KHDRBS2: variants seen among roughly 807,000 people sequenced by gnomAD.
KHDRBS2 encodes KH domain-containing, RNA-binding, signal transduction-associated protein 2.
Under a neutral mutation model 44.3 loss-of-function variants are expected in KHDRBS2, and 26 were observed. That is an observed-to-expected ratio of 0.59 (90% CI 0.43 to 0.81). The LOEUF is 0.81. Among genes scored for constraint, KHDRBS2 ranks in the 40% least tolerant of loss-of-function variants. KHDRBS2 has a pLI of 0.00. For missense variants in KHDRBS2, 476 were observed against 433.1 expected (o/e 1.10, Z -0.88); for synonymous variants, 194 against 151.1 (o/e 1.28, Z -2.08).
At chr6:61,774,616 A>C (rs1781619137) in intron 6 of KHDRBS2, among the ~76,000 whole-genome samples, 2 of 152,176 alleles carry the variant, frequency 1.3e-5, no homozygotes, top group Admixed American at 1.3e-4. Context: ...CTCTGAATAG[A>C]CCAATAACAG....
chr6:62,073,821 T>A (rs1795792902), intron 2 of KHDRBS2, among the ~76,000 whole-genome samples: 1 of 151,722 alleles, frequency 6.6e-6, no homozygotes, highest in Non-Finnish European at 1.5e-5. Flanking sequence ...AAGATCGACA[T>A]TAGTTGTCAA....
intron 3 of KHDRBS2, among the ~76,000 whole-genome samples, chr6:62,044,864 T>C (rs1787333366): frequency 6.6e-6 from 1 of 152,114 alleles, no homozygotes; most frequent in South Asian, 2.1e-4. Flanking sequence ...CTGCCTAAGT[T>C]TGGTCAAGGA....
chr6:62,240,871 G>A lies in KHDRBS2; in HGVS notation c.91+44987C>T, dbSNP rs147127500. ...ACAACTTCAGTATACATATAGGGTC[G>A]TCTCACAACTGTTGACCTCTATCTC... On this transcript the variant is annotated intron_variant, in intron 1 of 8. Coordinates refer to ENST00000281156, the MANE Select transcript of KHDRBS2 (RefSeq NM_152688.4). Among the ~76,000 whole-genome samples the A allele has an allele frequency of 9.1e-3, 1,373 of 150,970 alleles. 9 individuals carry two copies. The highest frequency in any genetic ancestry group is 0.016 in the Non-Finnish European group (1,072 of 67,726).
At chr6:61,635,010 A>G in the KHDRBS2 span, among the ~76,000 whole-genome samples, 89,726 of 151,768 alleles carry the variant, frequency 0.59, 26,742 homozygotes, top group African/African-American at 0.61. Flanking sequence ...TTATGAAACT[A>G]GTTTTCTTTT....
intron 6 of KHDRBS2, among the ~76,000 whole-genome samples, chr6:61,791,048 A>G (rs1784559674): frequency 6.6e-6 from 1 of 151,414 alleles, no homozygotes; most frequent in Non-Finnish European, 1.5e-5. Flanking sequence ...TATTTATTGG[A>G]ATGACGTTCC....
At chr6:61,623,289 T>C in the KHDRBS2 span, among the ~76,000 whole-genome samples, 1 of 152,188 alleles carries the variant, frequency 6.6e-6, no homozygotes, top group African/African-American at 2.4e-5. Flanking sequence ...AAGAACAGAC[T>C]GTAAAGGTTC....
At chr6:62,016,762 A>T (rs939450358) in intron 3 of KHDRBS2, among the ~76,000 whole-genome samples, 8 of 151,894 alleles carry the variant, frequency 5.3e-5, no homozygotes, top group African/African-American at 1.9e-4. Flanking sequence ...CTGGACACTG[A>T]GCAATCCAAA....
At chr6:62,084,050 C>A (rs1007993838) in intron 2 of KHDRBS2, among the ~76,000 whole-genome samples, 3 of 151,978 alleles carry the variant, frequency 2.0e-5, no homozygotes, top group African/African-American at 7.3e-5. Flanking sequence ...TTTGTTATTC[C>A]TTTCTTGTAC....
intron 2 of KHDRBS2, among the ~76,000 whole-genome samples, chr6:62,100,954 A>G (rs930472017): frequency 6.6e-6 from 1 of 152,208 alleles, no homozygotes; most frequent in Non-Finnish European, 1.5e-5. Flanking sequence ...CAAATTGATG[A>G]GAATAAACAT....
rs114158016 is a variant in KHDRBS2, at chr6:61,944,353, C to A, written c.483+33713G>T. On this transcript the variant is annotated intron_variant, in intron 4 of 8. Transcript: ENST00000281156. Reference sequence around the variant, plus strand: ...AAGAATGAAATCATTTCATTTGTAGCAACATATATTGAACTGAAAGTTATT... The same window carrying A: ...AAGAATGAAATCATTTCATTTGTAGAAACATATATTGAACTGAAAGTTATT... Among the ~76,000 whole-genome samples the A allele has an allele frequency of 1.7e-3, 254 of 151,984 alleles. 2 individuals carry two copies. The highest frequency in any genetic ancestry group is 3.1e-3 in the Non-Finnish European group (213 of 67,968).
At chr6:62,045,173 T>G (rs971148590) in intron 3 of KHDRBS2, among the ~76,000 whole-genome samples, 6 of 151,914 alleles carry the variant, frequency 3.9e-5, no homozygotes, top group African/African-American at 1.5e-4. Context: ...CAATAAAGAA[T>G]GAAGGTGAGC....
intron 2 of KHDRBS2, among the ~76,000 whole-genome samples, chr6:62,090,987 A>G (rs1227941720): frequency 6.6e-6 from 1 of 152,170 alleles, no homozygotes; most frequent in African/African-American, 2.4e-5. Context: ...GCATAATCTG[A>G]TTTCCACAAC....
At chr6:61,964,078 A>G (rs1769358856) in intron 4 of KHDRBS2, among the ~76,000 whole-genome samples, 1 of 152,004 alleles carries the variant, frequency 6.6e-6, no homozygotes, top group South Asian at 2.1e-4. Flanking sequence ...TGAATATATC[A>G]CAGTACAAAA....
At chr6:62,121,886 T>C (rs1014121410) in intron 2 of KHDRBS2, among the ~76,000 whole-genome samples, 14 of 152,002 alleles carry the variant, frequency 9.2e-5, no homozygotes, top group African/African-American at 3.4e-4. Context: ...TTTCTAGGGG[T>C]CCAGTGATGA....
chr6:62,119,177 G>C (rs564731102), intron 2 of KHDRBS2, among the ~76,000 whole-genome samples: 22 of 152,252 alleles, frequency 1.4e-4, no homozygotes, highest in African/African-American at 5.1e-4. Flanking sequence ...ATATTATGGA[G>C]AACACTGATA....
chr6:62,142,015 T>C (rs896034845), intron 2 of KHDRBS2, among the ~76,000 whole-genome samples: 2 of 151,980 alleles, frequency 1.3e-5, no homozygotes, highest in Admixed American at 1.3e-4. Context: ...AGGAACAAAA[T>C]TTAACTACCG....
rs113407645 is a variant in KHDRBS2 at position 61,897,711 on chromosome 6, GTCTCTCTC to G, written c.612-2886_612-2879del. 1.6e-3 allele frequency among the ~76,000 whole-genome samples: 234 copies of G among 148,568 alleles called. 1 individual carries two copies. The highest frequency in any genetic ancestry group is 5.4e-3 in the African/African-American group (222 of 40,760). ...GCCATAAGACGGTTTCTCTGTCTCT[GTCTCTCTC>G]TCTCTCTCTCTCTCTCAATCACTGT... On this transcript the variant is annotated intron_variant, in intron 5 of 8. Coordinates refer to ENST00000281156, the MANE Select transcript of KHDRBS2 (RefSeq NM_152688.4).
intron 2 of KHDRBS2, among the ~76,000 whole-genome samples, chr6:62,106,328 G>C (rs1252816052): frequency 6.6e-6 from 1 of 152,006 alleles, no homozygotes; most frequent in African/African-American, 2.4e-5. Context: ...AATTCCAGGG[G>C]ATCCTTGTTA....
intron 2 of KHDRBS2, among the ~76,000 whole-genome samples, chr6:62,079,178 A>T (rs1483673133): frequency 6.6e-6 from 1 of 152,038 alleles, no homozygotes; most frequent in Non-Finnish European, 1.5e-5. Context: ...TGTGTAAGGA[A>T]ATGCTTTTCA....
Sources: gnomAD v4.1 joint callset for allele counts (sites outside exome capture counted in the v4.1 genomes callset) on GRCh38, gnomAD v4.1.1 for gene constraint, MANE v1.5 for transcripts, NCBI Gene and HGNC (gene_info 2026-07-23, HGNC 2026-07-21) for gene names.